The following MYO16 variants were observed in gnomAD, a reference collection of about 807,000 sequenced individuals.
MYO16 encodes myosin XVI.
In MYO16, 94 loss-of-function variants were observed where a neutral mutation model predicts 205.3. The ratio of observed to expected loss-of-function variants is 0.46; its 90% CI spans 0.39 to 0.54. MYO16 has a LOEUF of 0.54. Ranked by LOEUF, MYO16 falls within the 20% of genes least tolerant of loss-of-function variation. The pLI, the probability that MYO16 is intolerant of heterozygous loss-of-function variation, is 0.00. For missense variants in MYO16, 2,315 were observed against 2,387.5 expected, an observed-to-expected ratio of 0.97 and a Z score of 0.63; for synonymous variants, 988 against 954.0, an observed-to-expected ratio of 1.04 and a Z score of -0.66.
At chr13:108,554,507 C>T in the MYO16 span, among the ~76,000 whole-genome samples, 1 of 152,158 alleles carries the variant, frequency 6.6e-6, no homozygotes, top group African/African-American at 2.4e-5. Flanking sequence ...TGATGTTTGC[C>T]TGGTTCCATG....
At chr13:108,586,031 T>G in the MYO16 span, among the ~76,000 whole-genome samples, 4 of 152,146 alleles carry the variant, frequency 2.6e-5, no homozygotes, top group Non-Finnish European at 5.9e-5. Context: ...ATATAAATGT[T>G]TTTAGAATAG....
At chr13:108,822,645 CAGACCCCTTGTTT>C (rs1876041245) in intron 8 of MYO16, among the ~76,000 whole-genome samples, 1 of 152,124 alleles carries the variant, frequency 6.6e-6, no homozygotes, top group Non-Finnish European at 1.5e-5. Context: ...GGCTAGAGGG[CAGACCCCTTGTTT>C]AAATAATACA....
chr13:109,048,984 C>T (rs1021610509), intron 24 of MYO16: 1 of 87,974 alleles, frequency 1.1e-5, no homozygotes. Flanking sequence ...AAAAAAAAAG[C>T]CGAACTCCAG....
At chr13:108,881,409 C>T (rs371397696) in intron 12 of MYO16, among the ~76,000 whole-genome samples, 24 of 152,236 alleles carry the variant, frequency 1.6e-4, no homozygotes, top group African/African-American at 5.1e-4. Flanking sequence ...CGCAGCTCCT[C>T]GCCAGCAATG....
chr13:108,776,301 G>A (rs931334685), intron 4 of MYO16, among the ~76,000 whole-genome samples: 1 of 152,080 alleles, frequency 6.6e-6, no homozygotes, highest in Non-Finnish European at 1.5e-5. Flanking sequence ...AAAAAAGCAT[G>A]GGAAACTAAG....
At chr13:109,187,615 C>T (rs1879739486) in intron 34 of MYO16, among the ~76,000 whole-genome samples, 1 of 152,188 alleles carries the variant, frequency 6.6e-6, no homozygotes, top group African/African-American at 2.4e-5. Context: ...TCCCATGGGA[C>T]TTTCTCTTTG....
chr13:108,579,753 T>C, the MYO16 span, among the ~76,000 whole-genome samples: 3 of 152,164 alleles, frequency 2.0e-5, no homozygotes, highest in Non-Finnish European at 4.4e-5. Context: ...AAGCTTTCTT[T>C]TTTTGTTTTT....
intron 4 of MYO16, among the ~76,000 whole-genome samples, chr13:108,783,110 C>T (rs1886355925): frequency 6.6e-6 from 1 of 152,040 alleles, no homozygotes; most frequent in Admixed American, 6.5e-5. Flanking sequence ...GCACCATGAG[C>T]CTGGAAAAGC....
At position 109,127,060 on chromosome 13, in the gene MYO16, G is replaced by A. The variant is rs941935591; in HGVS notation, c.3783-222G>A. On this transcript the variant is annotated intron_variant, in intron 30 of 34. Transcript: ENST00000457511. This position sits in a 1 kb window ranked among gnomAD's most constrained non-coding sequence, Gnocchi z 4.2. Reference sequence around the variant, plus strand: ...AAAAAGTAATCATGATGGATATCCCGCGGGCTCATGTGCTTTTCATCACAA... The same window carrying A: ...AAAAAGTAATCATGATGGATATCCCACGGGCTCATGTGCTTTTCATCACAA... Among the ~76,000 whole-genome samples, 5 of 152,276 alleles carry A rather than the reference G, an allele frequency of 3.3e-5. No homozygotes were observed. In the East Asian group the frequency reaches 5.8e-4, roughly 18 times the overall value.
intron 6 of MYO16, among the ~76,000 whole-genome samples, chr13:108,802,655 A>G (rs183613785): frequency 6.6e-6 from 1 of 152,212 alleles, no homozygotes. Context: ...TATCTATACC[A>G]TTTTCCATAA....
rs2139760436 is a variant in MYO16, at chr13:109,120,396, A to G, written c.3465A>G (p.Lys1155=). The change falls in exon 29 of 35, where the codon AAA becomes AAG. Residue 1155 remains lysine, a synonymous_variant. Transcript: ENST00000457511. ...WQMGVRKVFL[K]YWHADQLNDL... Reference sequence around the variant, plus strand: ...TGGGAGTCCGAAAAGTGTTTCTAAAATACTGGCATGCTGACCAACTCAATG... The same window carrying G: ...TGGGAGTCCGAAAAGTGTTTCTAAAGTACTGGCATGCTGACCAACTCAATG... The G allele has an allele frequency of 6.2e-7, 1 of 1,606,400 alleles. No homozygotes were observed. Among genetic ancestry groups the G allele is most frequent in the East Asian group, 2.2e-5 (1 of 44,498 alleles).
rs547061618 is a variant in MYO16, at chr13:109,067,303, C to T, written c.3335+11708C>T. ...ATAACATTTATCAGTATTTACTAGG[C>T]AATGGGCACTGCGCTAAGCCCTTCA... is the stretch of plus-strand genomic sequence containing the variant. On this transcript the variant is annotated intron_variant, in intron 27 of 34. Coordinates refer to ENST00000457511, the MANE Select transcript of MYO16 (RefSeq NM_001198950.3). Among the ~76,000 whole-genome samples the T allele has an allele frequency of 5.3e-5, 8 of 152,300 alleles. No individual in the cohort carries two copies. In the South Asian group the frequency reaches 1.5e-3, roughly 28 times the overall value.
chr13:108,894,319 G>C (rs764863857), intron 14 of MYO16, among the ~76,000 whole-genome samples: 1 of 152,132 alleles, frequency 6.6e-6, no homozygotes, highest in Non-Finnish European at 1.5e-5. Flanking sequence ...TATTGGGGTG[G>C]TCTTCATTGT....
intron 3 of MYO16, among the ~76,000 whole-genome samples, chr13:108,717,013 T>A (rs1165835208): frequency 6.6e-6 from 1 of 152,138 alleles, no homozygotes; most frequent in Non-Finnish European, 1.5e-5. Flanking sequence ...TAACAATGTC[T>A]GTATCCCAGG....
intron 17 of MYO16, among the ~76,000 whole-genome samples, chr13:108,961,080 C>T (rs927667364): frequency 5.9e-5 from 9 of 152,002 alleles, no homozygotes; most frequent in African/African-American, 1.9e-4. Context: ...AGAGAGATAG[C>T]GAAGAAATGA....
At chr13:108,862,329 C>T (rs1241580735) in intron 11 of MYO16, among the ~76,000 whole-genome samples, 1 of 152,042 alleles carries the variant, frequency 6.6e-6, no homozygotes, top group Admixed American at 6.6e-5. Flanking sequence ...GGATTTTGGA[C>T]TTTAGGTATT....
At chr13:108,639,153 T>C (rs1019482339) in intron 1 of MYO16, among the ~76,000 whole-genome samples, 1 of 152,144 alleles carries the variant, frequency 6.6e-6, no homozygotes, top group African/African-American at 2.4e-5. Flanking sequence ...GTCATTCTGA[T>C]GGTACTGTAG....
At chr13:108,959,737 C>T (rs1040443947) in intron 17 of MYO16, among the ~76,000 whole-genome samples, 1 of 152,146 alleles carries the variant, frequency 6.6e-6, no homozygotes, top group Non-Finnish European at 1.5e-5. Context: ...TCTAGCCGGG[C>T]GGCAGGGATG....
chr13:108,516,205 A>G, the MYO16 span, among the ~76,000 whole-genome samples: 1 of 152,048 alleles, frequency 6.6e-6, no homozygotes, highest in Non-Finnish European at 1.5e-5. Flanking sequence ...CCGGTCTGAA[A>G]AGCGCAATAT....
Sources: gnomAD v4.1 joint callset for allele counts (sites outside exome capture counted in the v4.1 genomes callset) on GRCh38, gnomAD v4.1.1 for gene constraint, Gnocchi (gnomAD v3.1) non-coding constraint, MANE v1.5 for transcripts, NCBI Gene and HGNC (gene_info 2026-07-23, HGNC 2026-07-21) for gene names.